The following MAGI1 variants were observed in gnomAD, a reference collection of about 807,000 sequenced individuals.
The protein encoded by MAGI1 is membrane associated guanylate kinase, WW and PDZ domain containing 1.
In MAGI1, 58 loss-of-function variants were observed where a neutral mutation model predicts 139.9. The observed-to-expected ratio is 0.41, with a 90% CI of 0.34 to 0.52. The LOEUF (loss-of-function observed/expected upper bound fraction) is 0.52, where lower values mean the gene tolerates loss of function less well. MAGI1 is among the 20% of genes least tolerant of loss of function. The pLI, the probability that MAGI1 is intolerant of heterozygous loss-of-function variation, is 0.12. For synonymous variants in MAGI1, 812 were observed against 737.9 expected, an observed-to-expected ratio of 1.10 and a Z score of -1.63; for missense variants, 1,874 against 1,901.6, an observed-to-expected ratio of 0.99 and a Z score of 0.27.
At chr3:65,709,912 A>T (rs1332246159) in intron 1 of MAGI1, among the ~76,000 whole-genome samples, 1 of 152,248 alleles carries the variant, frequency 6.6e-6, no homozygotes. Context: ...CTTGCCTAGA[A>T]GTATCTGGTG....
chr3:65,789,783 A>T (rs2039637320), intron 1 of MAGI1, among the ~76,000 whole-genome samples: 1 of 152,088 alleles, frequency 6.6e-6, no homozygotes, highest in South Asian at 2.1e-4. Flanking sequence ...GACTCCCTAG[A>T]AAAAAACAAA....
intron 2 of MAGI1, among the ~76,000 whole-genome samples, chr3:65,559,832 C>T (rs948694377): frequency 1.1e-4 from 17 of 152,214 alleles, no homozygotes; most frequent in Middle Eastern, 3.4e-3. Context: ...CTGAAGACTT[C>T]GACACCAGCC....
At chr3:65,472,696 G>C (rs1230485136) in intron 4 of MAGI1, among the ~76,000 whole-genome samples, 1 of 152,186 alleles carries the variant, frequency 6.6e-6, no homozygotes, top group African/African-American at 2.4e-5. Flanking sequence ...TGCCAGGCCA[G>C]AGATGCAAAT....
intron 1 of MAGI1, among the ~76,000 whole-genome samples, chr3:65,626,285 A>G (rs2083967358): frequency 6.6e-6 from 1 of 152,186 alleles, no homozygotes; most frequent in South Asian, 2.1e-4. Flanking sequence ...TGTGGTAACT[A>G]TCAAGATAAA....
intron 1 of MAGI1, among the ~76,000 whole-genome samples, chr3:65,746,467 C>A (rs1453604650): frequency 6.6e-6 from 1 of 152,174 alleles, no homozygotes; most frequent in African/African-American, 2.4e-5. Context: ...GTCACTATAT[C>A]AAACATAACT....
At chr3:65,986,455 A>G (rs1412710940) in intron 1 of MAGI1, among the ~76,000 whole-genome samples, 1 of 152,242 alleles carries the variant, frequency 6.6e-6, no homozygotes, top group African/African-American at 2.4e-5. Context: ...GAAGTATGTA[A>G]TTAAGATAAA....
intron 1 of MAGI1, among the ~76,000 whole-genome samples, chr3:65,929,800 T>C (rs1332956502): frequency 1.3e-5 from 2 of 152,036 alleles, no homozygotes; most frequent in African/African-American, 4.8e-5. Context: ...CAATCCATGG[T>C]AATAATTCAG....
At chr3:65,470,661 G>A (rs1365914673) in intron 4 of MAGI1, among the ~76,000 whole-genome samples, 177 bp from the exon 5 acceptor site, 2 of 152,056 alleles carry the variant, frequency 1.3e-5, no homozygotes, top group Non-Finnish European at 2.9e-5. Flanking sequence ...TTAGATGTCT[G>A]TGCCTTAATT....
intron 1 of MAGI1, among the ~76,000 whole-genome samples, chr3:65,631,881 C>T (rs766041764): frequency 1.3e-4 from 20 of 151,876 alleles, no homozygotes; most frequent in African/African-American, 4.1e-4. Flanking sequence ...AAAAATTAGA[C>T]GGGCGTGGTG....
intron 2 of MAGI1, among the ~76,000 whole-genome samples, chr3:65,589,681 C>T (rs184582443): frequency 1.2e-4 from 18 of 151,576 alleles, no homozygotes; most frequent in African/African-American, 4.4e-4. Flanking sequence ...ACTCAACACT[C>T]CCAATGTGGC....
intron 1 of MAGI1, among the ~76,000 whole-genome samples, chr3:65,879,407 T>A (rs2060239636): frequency 6.6e-6 from 1 of 152,014 alleles, no homozygotes; most frequent in South Asian, 2.1e-4. Context: ...GTCAGGCGAT[T>A]AAGGGAAGAA....
At chr3:65,767,155 G>A (rs1246857443) in intron 1 of MAGI1, among the ~76,000 whole-genome samples, 2 of 152,110 alleles carry the variant, frequency 1.3e-5, no homozygotes, top group Admixed American at 6.6e-5. Flanking sequence ...CATCAAGTCT[G>A]CCTCTCTATT....
rs368893697 is a variant in MAGI1 at position 65,530,791 on chromosome 3, GTATA to G, written c.431-37164_431-37161del. On this transcript the variant is annotated intron_variant, in intron 2 of 22. Coordinates refer to ENST00000402939, the MANE Select transcript of MAGI1 (RefSeq NM_001033057.2). ...TATATATACACACATATATATACAC[GTATA>G]TATATATATACACACATATATATAC... is the stretch of plus-strand genomic sequence containing the variant. Among the ~76,000 whole-genome samples the G allele has an allele frequency of 3.6e-4, 22 of 60,870 alleles. 3 individuals carry two copies. The highest frequency in any genetic ancestry group is 5.1e-4 in the Non-Finnish European group (16 of 31,208). 39.9% of individuals were successfully genotyped at this position (60,870 alleles called of 152,430 possible).
In MAGI1 at chr3:65,846,492, A is replaced by G. The variant is rs192170875; in HGVS notation, c.313+191504T>C. 2.8e-4 allele frequency among the ~76,000 whole-genome samples: 42 copies of G among 152,330 alleles called. 1 individual carries two copies. In the East Asian group the frequency reaches 7.9e-3, roughly 29 times the overall value. On this transcript the variant is annotated intron_variant, in intron 1 of 22. Coordinates refer to ENST00000402939, the MANE Select transcript of MAGI1 (RefSeq NM_001033057.2). ...ACAGGGGTCATGATCTAGATCTTCC[A>G]GAGTGTTATAGTTAAATGATGCTCT...
At chr3:65,551,175 C>T (rs536717673) in intron 2 of MAGI1, among the ~76,000 whole-genome samples, 1 of 152,198 alleles carries the variant, frequency 6.6e-6, no homozygotes. Context: ...AGGGGCTCTT[C>T]TCCCTTCGCT....
chr3:65,970,906 T>C (rs9861184), intron 1 of MAGI1, among the ~76,000 whole-genome samples: 22,151 of 152,162 alleles, frequency 0.15, 1,771 homozygotes, highest in East Asian at 0.26. Context: ...AGATCAGTTT[T>C]AAAAAATAAA....
At chr3:65,521,242 T>G (rs2078139455) in intron 2 of MAGI1, among the ~76,000 whole-genome samples, 1 of 151,488 alleles carries the variant, frequency 6.6e-6, no homozygotes. Context: ...AATAGAGAAC[T>G]GATTTTTAAC....
intron 1 of MAGI1, among the ~76,000 whole-genome samples, chr3:65,640,692 T>C (rs1010443143): frequency 3.3e-5 from 5 of 152,222 alleles, no homozygotes; most frequent in Non-Finnish European, 5.9e-5. Context: ...GTTGCAGCAG[T>C]TGAATTCTCT....
chr3:65,529,035 G>T (rs1187106299), intron 2 of MAGI1, among the ~76,000 whole-genome samples: 1 of 151,978 alleles, frequency 6.6e-6, no homozygotes, highest in Non-Finnish European at 1.5e-5. Flanking sequence ...AACAGATGGA[G>T]ACCCTGTTTC....
Sources: allele counts gnomAD v4.1 joint callset (sites outside exome capture counted in the v4.1 genomes callset), GRCh38; gene constraint gnomAD v4.1.1; transcripts MANE v1.5; gene names NCBI Gene and HGNC (gene_info 2026-07-23, HGNC 2026-07-21).